The following COL14A1 variants were observed in gnomAD, a reference collection of about 807,000 sequenced individuals.
COL14A1 encodes the protein collagen type XIV alpha 1 chain, also known as collagen alpha-1(XIV) chain.
A neutral mutation model predicts 230.3 loss-of-function variants in COL14A1; 136 were observed. The observed-to-expected ratio is 0.59, with a 90% CI of 0.51 to 0.68. COL14A1 has a LOEUF of 0.68. COL14A1 is among the 30% of genes least tolerant of loss of function. The probability of loss-of-function intolerance (pLI) is 0.00; values close to 1 mark genes in which losing one functional copy is unlikely to be tolerated. For synonymous variants in COL14A1, 792 were observed against 784.1 expected (o/e 1.01, Z -0.17); for missense variants, 1,976 against 2,215.8 (o/e 0.89, Z 2.17).
At chr8:120,221,861 A>G (rs1181310678) in intron 14 of COL14A1, among the ~76,000 whole-genome samples, 1 of 152,198 alleles carries the variant, frequency 6.6e-6, no homozygotes. Context: ...GAGACTCTAA[A>G]TAAGACAATA....
chr8:120,180,547 C>A (rs1259628885), intron 5 of COL14A1, among the ~76,000 whole-genome samples: 1 of 152,082 alleles, frequency 6.6e-6, no homozygotes, highest in African/African-American at 2.4e-5. Flanking sequence ...GTATCCGTTG[C>A]TCTCTCTTGC....
chr8:120,259,758 T>C (rs1586811688), intron 23 of COL14A1, among the ~76,000 whole-genome samples: 1 of 152,296 alleles, frequency 6.6e-6, no homozygotes, highest in Middle Eastern at 3.4e-3. Context: ...TAGAATTGAC[T>C]CCTGGAGAGT....
intron 21 of COL14A1, 93 bp downstream of exon 21, chr8:120,247,828 G>T: frequency 2.8e-6 from 4 of 1,439,712 alleles, no homozygotes; most frequent in South Asian, 1.4e-5. Flanking sequence ...CCTTATGTTT[G>T]GTTGTATTTT....
chr8:120,217,582 G>A (rs1182987553), intron 14 of COL14A1, among the ~76,000 whole-genome samples: 4 of 152,178 alleles, frequency 2.6e-5, no homozygotes, highest in Non-Finnish European at 5.9e-5. Flanking sequence ...GGGACATTGT[G>A]TAATGGACGG....
chr8:120,295,621 G>T (rs1269179453), intron 34 of COL14A1, among the ~76,000 whole-genome samples: 1 of 151,786 alleles, frequency 6.6e-6, no homozygotes, highest in Non-Finnish European at 1.5e-5. Context: ...TACTGTCACT[G>T]TCATTTTGAT....
At chr8:120,370,566 G>A (rs1823552287) in intron 47 of COL14A1, 8 of 1,458,680 alleles carry the variant, frequency 5.5e-6, no homozygotes, top group Non-Finnish European at 3.6e-6. Flanking sequence ...TGATAACATC[G>A]GAACTTAACC....
intron 5 of COL14A1, among the ~76,000 whole-genome samples, chr8:120,175,330 G>A (rs200344518): frequency 6.6e-6 from 1 of 152,170 alleles, no homozygotes; most frequent in East Asian, 1.9e-4. Context: ...GCACAAGAAT[G>A]CAGAACCTGA....
Position 120,313,956 on chromosome 8 carries a change from A to G in COL14A1, c.4480A>G (p.Ile1494Val). ...PKGPDGPRGEIGLPGPQGPPG... is the reference protein window; with the variant it reads ...PKGPDGPRGEVGLPGPQGPPG... ...GGGACCAGATGGCCCTCGGGGTGAA[A>G]TTGGTCTGCCAGGACCTCAGGGTCC... is the stretch of plus-strand genomic sequence containing the variant. The change falls in exon 38 of 48, where the codon ATT (isoleucine) becomes GTT (valine). Residue 1494 changes from isoleucine (I) to valine (V), a missense_variant. By Grantham distance (29) the Ile-to-Val change is conservative. This residue lies in a region of COL14A1 where 1,791 missense variants were observed against 2,019.5 expected (regional missense o/e 0.89). Coordinates refer to ENST00000297848, the MANE Select transcript of COL14A1 (RefSeq NM_021110.4). 1 of 1,612,322 alleles carries G rather than the reference A, an allele frequency of 6.2e-7. No individual in the cohort carries two copies. Among genetic ancestry groups the G allele is most frequent in the East Asian group, 2.2e-5 (1 of 44,736 alleles).
At chr8:120,279,155 G>C (rs977121965) in intron 28 of COL14A1, among the ~76,000 whole-genome samples, 6 of 151,680 alleles carry the variant, frequency 4.0e-5, no homozygotes, top group African/African-American at 1.5e-4. Context: ...TGTCGGGGGT[G>C]GGGGGCAAGG....
At chr8:120,214,571 A>G (rs902105159) in intron 13 of COL14A1, among the ~76,000 whole-genome samples, 4 of 152,222 alleles carry the variant, frequency 2.6e-5, no homozygotes, top group African/African-American at 9.6e-5. Flanking sequence ...ATTTTAAAGC[A>G]ATAGTAAGAT....
intron 1 of COL14A1, among the ~76,000 whole-genome samples, chr8:120,133,419 A>G (rs1191106455): frequency 1.3e-5 from 2 of 152,166 alleles, no homozygotes. Flanking sequence ...ATTAGTAAAT[A>G]GAACCCAAAA....
chr8:120,185,182 A>G (rs1482664179), intron 5 of COL14A1, among the ~76,000 whole-genome samples: 1 of 152,198 alleles, frequency 6.6e-6, no homozygotes, highest in Non-Finnish European at 1.5e-5. Context: ...ACTCAGATTA[A>G]TGTAAATTCC....
At chr8:120,208,871 C>T (rs1354403129) in intron 11 of COL14A1, among the ~76,000 whole-genome samples, 2 of 152,052 alleles carry the variant, frequency 1.3e-5, no homozygotes, top group African/African-American at 2.4e-5. Flanking sequence ...AATACACACA[C>T]GCACACAGAA....
At chr8:120,343,039 C>T (rs1243268828) in intron 44 of COL14A1, among the ~76,000 whole-genome samples, 1 of 152,144 alleles carries the variant, frequency 6.6e-6, no homozygotes, top group Non-Finnish European at 1.5e-5. Flanking sequence ...TACATCATAA[C>T]AAACTTGATA....
At chr8:120,277,879 C>CA (rs1819902526) in intron 26 of COL14A1, 1 of 246,936 alleles carries the variant, frequency 4.0e-6, no homozygotes, top group Non-Finnish European at 7.7e-6. Context: ...ACCCATGTAA[C>CA]AAACCTACAC....
intron 25 of COL14A1, among the ~76,000 whole-genome samples, chr8:120,268,653 T>G (rs1819570328): frequency 6.6e-6 from 1 of 151,708 alleles, no homozygotes; most frequent in Admixed American, 6.6e-5. Flanking sequence ...AAATTTGTAT[T>G]ATTAAAGTAA....
At chr8:120,132,495 C>A (rs1476728629) in intron 1 of COL14A1, among the ~76,000 whole-genome samples, 2 of 150,408 alleles carry the variant, frequency 1.3e-5, no homozygotes, top group Non-Finnish European at 2.9e-5. Context: ...TAATTTGATG[C>A]CTTCAATTTT....
At chr8:120,190,366 T>C (rs979550229) in intron 5 of COL14A1, among the ~76,000 whole-genome samples, 4 of 152,340 alleles carry the variant, frequency 2.6e-5, no homozygotes, top group South Asian at 4.1e-4. Flanking sequence ...TTTAAGTTCA[T>C]TGTAGATTCT....
In COL14A1 at chr8:120,373,504, TTA is replaced by T. The variant is rs1812225285; in HGVS notation, c.*2277_*2278del. 6.6e-6 allele frequency among the ~76,000 whole-genome samples: 1 copy of T among 152,212 alleles called. No homozygotes were observed. Among genetic ancestry groups the T allele is most frequent in the Non-Finnish European group, 1.5e-5 (1 of 68,034 alleles). On this transcript the variant is annotated 3_prime_UTR_variant, in exon 48 of 48. Coordinates refer to ENST00000297848, the MANE Select transcript of COL14A1 (RefSeq NM_021110.4). ...TTGACTTACTTTGGCAGAAATATAC[TTA>T]TATCTTAATTTATAGTTTGTAAGTT...
Sources: gnomAD v4.1 joint callset for allele counts (sites outside exome capture counted in the v4.1 genomes callset) on GRCh38, gnomAD v4.1.1 for gene constraint, gnomAD v4.1.1 regional missense constraint, MANE v1.5 for transcripts, NCBI Gene and HGNC (gene_info 2026-07-23, HGNC 2026-07-21) for gene names.